DZANK1: variants seen among roughly 807,000 people sequenced by gnomAD.
The protein encoded by DZANK1 is double zinc ribbon and ankyrin repeat-containing protein 1.
Under a neutral mutation model 94.5 loss-of-function variants are expected in DZANK1, and 91 were observed. The ratio of observed to expected loss-of-function variants is 0.96; its 90% CI spans 0.81 to 1.15. The LOEUF is 1.15. Ranked by LOEUF, DZANK1 falls within the 50% of genes most tolerant of loss-of-function variation. DZANK1 has a pLI of 0.00. For synonymous variants in DZANK1, 312 were observed against 325.3 expected, an observed-to-expected ratio of 0.96 and a Z score of 0.44; for missense variants, 903 against 916.4, an observed-to-expected ratio of 0.99 and a Z score of 0.19.
intron 18 of DZANK1, 128 bp downstream of exon 18, chr20:18,390,251 A>C: frequency 1.0e-4 from 79 of 772,356 alleles, no homozygotes; most frequent in Non-Finnish European, 1.3e-4. Flanking sequence ...CATTCACTAT[A>C]TCCCGGGTTT....
At chr20:18,412,905 C>A in intron 12 of DZANK1, 52 bp from the exon 13 acceptor site, 2 of 1,482,930 alleles carry the variant, frequency 1.3e-6, no homozygotes, top group Non-Finnish European at 1.8e-6. Context: ...TTTAATCAAT[C>A]TTGCATTTTA....
intron 12 of DZANK1, among the ~76,000 whole-genome samples, chr20:18,413,953 T>C (rs946331339): frequency 7.9e-5 from 12 of 152,216 alleles, no homozygotes; most frequent in African/African-American, 2.9e-4. Context: ...AGCCAGTTGT[T>C]AGAGCTTAAG....
At chr20:18,461,734 G>C (rs1278325787) in intron 2 of DZANK1, among the ~76,000 whole-genome samples, 1 of 151,858 alleles carries the variant, frequency 6.6e-6, no homozygotes, top group Non-Finnish European at 1.5e-5. Flanking sequence ...TGAGTAGCTA[G>C]GATTACAAGC....
intron 10 of DZANK1, among the ~76,000 whole-genome samples, chr20:18,418,064 C>T (rs6136371): frequency 0.35 from 53,597 of 151,434 alleles, 10,460 homozygotes; most frequent in Middle Eastern, 0.46. Flanking sequence ...CCAGCCTGGG[C>T]GACAGAGCAT....
rs376841670 is a variant in DZANK1 at position 18,425,235 on chromosome 20, CTG to C, written c.954+1830_954+1831del. 3.3e-3 allele frequency among the ~76,000 whole-genome samples: 503 copies of C among 152,264 alleles called. 5 individuals carry two copies. Among genetic ancestry groups the C allele is most frequent in the African/African-American group, 0.012 (484 of 41,548 alleles). Reference sequence around the variant, plus strand: ...TTCCCTCAAATCAACTACTCTTAGACTGTCCGTGATTAGACGACATTAAAAGG... The same window carrying C: ...TTCCCTCAAATCAACTACTCTTAGACTCCGTGATTAGACGACATTAAAAGG... On this transcript the variant is annotated intron_variant, in intron 10 of 20. Coordinates refer to ENST00000262547, the Ensembl canonical transcript of DZANK1.
At position 18,441,879 on chromosome 20, in the gene DZANK1, C is replaced by T. The variant is rs371783211; in HGVS notation, c.747+1468G>A. ...CTGGGGTGCCAGTGGAACTGAGAAG[C>T]GTCCATGGGACAACACTGAAATTCA... On this transcript the variant is annotated intron_variant, in intron 8 of 20. Coordinates refer to ENST00000262547, the Ensembl canonical transcript of DZANK1. The surrounding 1 kb of genome is among the most constrained non-coding windows in gnomAD (Gnocchi z 4.1). Among the ~76,000 whole-genome samples, 6 of 152,186 alleles carry T rather than the reference C, an allele frequency of 3.9e-5. No individual in the cohort carries two copies. Among genetic ancestry groups the T allele is most frequent in the African/African-American group, 1.2e-4 (5 of 41,436 alleles).
intron 14 of DZANK1, 82 bp downstream of exon 14, chr20:18,398,441 G>A (rs2056482359): frequency 8.0e-7 from 1 of 1,242,624 alleles, no homozygotes. Context: ...CAGGCAAGAT[G>A]CAGTTTCAGG....
chr20:18,414,184 A>T (rs1217562741), intron 12 of DZANK1, among the ~76,000 whole-genome samples, 164 bp downstream of exon 12: 1 of 152,240 alleles, frequency 6.6e-6, no homozygotes, highest in Non-Finnish European at 1.5e-5. Flanking sequence ...AATGCAATTA[A>T]AATCTAAATT....
chr20:18,409,392 C>T (rs1206639698), intron 13 of DZANK1, among the ~76,000 whole-genome samples: 4 of 152,072 alleles, frequency 2.6e-5, no homozygotes, highest in East Asian at 1.9e-4. Flanking sequence ...AGTAGATCAA[C>T]GTATTCAAAG....
rs758691948 is a variant in DZANK1, at chr20:18,385,029, C to G, written c.2080G>C (p.Ala694Pro). 6 of 1,552,686 alleles carry G rather than the reference C, an allele frequency of 3.9e-6. No individual in the cohort carries two copies. Among genetic ancestry groups the G allele is most frequent in the Admixed American group, 2.0e-5 (1 of 51,154 alleles). ...CAGGGGACATACCCCAGTAAAGTGGCGGTGCTCTCTCTTCCTGCAAGGCCA... is the reference window on the plus strand; with the variant it reads ...CAGGGGACATACCCCAGTAAAGTGGGGGTGCTCTCTCTTCCTGCAAGGCCA... The change falls in exon 20 of 21, where the codon GCC becomes CCC. Residue 694 changes from alanine to proline, a missense_variant. Coordinates refer to ENST00000262547, the Ensembl canonical transcript of DZANK1.
At chr20:18,421,922 A>G (rs1164363121) in intron 10 of DZANK1, among the ~76,000 whole-genome samples, 3 of 152,074 alleles carry the variant, frequency 2.0e-5, no homozygotes, top group Non-Finnish European at 4.4e-5. Flanking sequence ...TTTACTTACT[A>G]TTGAGTTGTT....
At chr20:18,398,434 G>A in intron 14 of DZANK1, 89 bp downstream of exon 14, 1 of 1,169,064 alleles carries the variant, frequency 8.6e-7, no homozygotes, top group Non-Finnish European at 1.3e-6. Flanking sequence ...AAGGAGCCAG[G>A]CAAGATGCAG....
chr20:18,466,377 C>A (rs1265749381), intron 1 of DZANK1, among the ~76,000 whole-genome samples: 1 of 152,180 alleles, frequency 6.6e-6, no homozygotes, highest in African/African-American at 2.4e-5. Context: ...CTGAACATGT[C>A]TGCAGTTTGA....
At chr20:18,425,327 C>T (rs982675642) in intron 10 of DZANK1, among the ~76,000 whole-genome samples, 2 of 152,052 alleles carry the variant, frequency 1.3e-5, no homozygotes, top group African/African-American at 4.8e-5. Flanking sequence ...CCGAGTTGGG[C>T]GGATCACGAG....
At chr20:18,440,607 T>C (rs1274004679) in intron 8 of DZANK1, among the ~76,000 whole-genome samples, 1 of 152,194 alleles carries the variant, frequency 6.6e-6, no homozygotes, top group Non-Finnish European at 1.5e-5. Flanking sequence ...GTGGTTGTGA[T>C]GGGTTTAAAC....
intron 3 of DZANK1, among the ~76,000 whole-genome samples, chr20:18,458,693 C>T (rs1450198591): frequency 6.6e-6 from 1 of 152,214 alleles, no homozygotes; most frequent in Non-Finnish European, 1.5e-5. Flanking sequence ...TCCCAGGCAT[C>T]ACAAGCCTCT....
At chr20:18,451,093 G>A (rs539614963) in intron 6 of DZANK1, among the ~76,000 whole-genome samples, 58 of 152,192 alleles carry the variant, frequency 3.8e-4, no homozygotes, top group South Asian at 6.2e-4. Flanking sequence ...CTACAGGTGC[G>A]CGCCACTATG....
chr20:18,397,295 T>A (rs1390572343), intron 14 of DZANK1, among the ~76,000 whole-genome samples: 1 of 152,242 alleles, frequency 6.6e-6, no homozygotes, highest in Admixed American at 6.5e-5. Flanking sequence ...GTCTTGATGT[T>A]GGCCTATTTG....
intron 13 of DZANK1, 128 bp downstream of exon 13, chr20:18,412,518 A>G (rs1017175757): frequency 2.0e-6 from 2 of 978,908 alleles, no homozygotes; most frequent in Non-Finnish European, 3.1e-6. Context: ...TTACTTGAAA[A>G]AGAGGAAAAG....
Sources: gnomAD v4.1 joint callset for allele counts (sites outside exome capture counted in the v4.1 genomes callset) on GRCh38, gnomAD v4.1.1 for gene constraint, Gnocchi (gnomAD v3.1) non-coding constraint, MANE v1.5 for transcripts, NCBI Gene and HGNC (gene_info 2026-07-23, HGNC 2026-07-21) for gene names.